The following LYPD6 variants were observed in gnomAD, a reference collection of about 807,000 sequenced individuals.
LYPD6 encodes ly6/PLAUR domain-containing protein 6.
A neutral mutation model predicts 22.7 loss-of-function variants in LYPD6; 15 were observed. The observed-to-expected ratio is 0.66, with a 90% CI of 0.44 to 1.02. The LOEUF (loss-of-function observed/expected upper bound fraction) is 1.02. Ranked by LOEUF, LYPD6 falls within the 50% of genes least tolerant of loss-of-function variation. The pLI is 0.00. For synonymous variants in LYPD6, 72 were observed against 77.5 expected, an observed-to-expected ratio of 0.93 and a Z score of 0.37; for missense variants, 189 against 208.4, an observed-to-expected ratio of 0.91 and a Z score of 0.57.
At chr2:149,483,017 C>T in the LYPD6 span, among the ~76,000 whole-genome samples, 12 of 152,336 alleles carry the variant, frequency 7.9e-5, no homozygotes, top group East Asian at 1.4e-3. Context: ...CTTCAGTTCC[C>T]TGTGTCTGGA....
the LYPD6 span, among the ~76,000 whole-genome samples, chr2:149,479,546 C>A: frequency 6.6e-6 from 1 of 152,184 alleles, no homozygotes; most frequent in Non-Finnish European, 1.5e-5. Flanking sequence ...TCTAGTGTCC[C>A]CATCTCAGTG....
At chr2:149,393,423 C>A (rs923455347) in intron 1 of LYPD6, among the ~76,000 whole-genome samples, 13 of 152,180 alleles carry the variant, frequency 8.5e-5, no homozygotes, top group African/African-American at 3.1e-4. Flanking sequence ...GTGATGATAA[C>A]AGGGTATTTT....
chr2:149,475,535 T>A (rs1681435048), downstream of LYPD6, among the ~76,000 whole-genome samples: 1 of 152,228 alleles, frequency 6.6e-6, no homozygotes, highest in Non-Finnish European at 1.5e-5. Context: ...CAGCAGTTAC[T>A]CTGTCTAGCT....
intron 3 of LYPD6, among the ~76,000 whole-genome samples, chr2:149,463,101 TG>T (rs1169435846): frequency 6.6e-6 from 1 of 152,006 alleles, no homozygotes; most frequent in African/African-American, 2.4e-5. Context: ...AGAATGCAAA[TG>T]CAAGCTATGA....
chr2:149,359,450 A>G (rs1258643617), intron 1 of LYPD6, among the ~76,000 whole-genome samples: 2 of 152,232 alleles, frequency 1.3e-5, no homozygotes, highest in Non-Finnish European at 2.9e-5. Context: ...GCTGAGAAAA[A>G]TGTTTGAAAC....
At position 149,341,193 on chromosome 2, in the gene LYPD6, G is replaced by A. The variant is rs187436440; in HGVS notation, c.-72+10471G>A. On this transcript the variant is annotated intron_variant, in intron 1 of 4. Coordinates refer to ENST00000334166, the MANE Select transcript of LYPD6 (RefSeq NM_194317.5). The stretch of plus-strand genomic sequence containing the variant: ...GATCTGAATTAAAAGAACTACCCGA[G>A]TGAATTCACAAAAAGTTTGCAGCAG... Among the ~76,000 whole-genome samples, 165 of 152,162 alleles carry A rather than the reference G, an allele frequency of 1.1e-3. 1 individual carries two copies. Among genetic ancestry groups the A allele is most frequent in the Non-Finnish European group, 1.2e-3 (81 of 67,998 alleles).
At position 149,471,693 on chromosome 2, in the gene LYPD6, G is replaced by T. The variant is rs577650630; in HGVS notation, c.*843G>T. 6.4e-4 allele frequency: 97 copies of T among 152,608 alleles called. No homozygotes were observed. Among genetic ancestry groups the T allele is most frequent in the African/African-American group, 2.3e-3 (95 of 41,546 alleles). The allele number at this position is 152,608 out of a possible 1,614,324, so 9.5% of individuals were successfully genotyped here. On this transcript the variant is annotated 3_prime_UTR_variant, in exon 5 of 5. Transcript: ENST00000334166. ...ATGGAGTTGTTTTCCCCAGATATGG[G>T]GTTCTATTCAGCCATAGATAATCTA...
chr2:149,404,981 A>G (rs1682662344), intron 1 of LYPD6, among the ~76,000 whole-genome samples: 1 of 152,132 alleles, frequency 6.6e-6, no homozygotes, highest in Non-Finnish European at 1.5e-5. Flanking sequence ...TTCTGCATCT[A>G]TTGAGATAAT....
rs1681404926 is a variant in LYPD6, at chr2:149,474,072, T to A, written c.*3222T>A. 6.6e-6 allele frequency: 1 copy of A among 152,222 alleles called. No homozygotes were observed. 9.4% of individuals were successfully genotyped at this position (152,222 alleles called of 1,614,324 possible). Reference sequence around the variant, plus strand: ...GAAACAGATATTGGAATAGTGTACATGTCATTTTTATCTATACAATGAATT... The same window carrying A: ...GAAACAGATATTGGAATAGTGTACAAGTCATTTTTATCTATACAATGAATT... On this transcript the variant is annotated 3_prime_UTR_variant, in exon 5 of 5. Coordinates refer to ENST00000334166, the MANE Select transcript of LYPD6 (RefSeq NM_194317.5).
chr2:149,335,328 A>G (rs1357827715), intron 1 of LYPD6, among the ~76,000 whole-genome samples: 1 of 152,162 alleles, frequency 6.6e-6, no homozygotes, highest in African/African-American at 2.4e-5. Context: ...GGCCCAGCCT[A>G]ATGTGTGTGC....
At chr2:149,470,464 G>A (rs1347369186) in intron 4 of LYPD6, among the ~76,000 whole-genome samples, 1 of 152,108 alleles carries the variant, frequency 6.6e-6, no homozygotes, top group African/African-American at 2.4e-5. Context: ...ACAAAACCTA[G>A]CTCTCTTGAA....
At chr2:149,345,796 CAACTGAT>C (rs1295231837) in intron 1 of LYPD6, among the ~76,000 whole-genome samples, 3 of 152,018 alleles carry the variant, frequency 2.0e-5, no homozygotes, top group Admixed American at 1.3e-4. Flanking sequence ...ATTTGGCAGA[CAACTGAT>C]AACTGTATTT....
chr2:149,460,824 GA>G (rs1190102244), intron 3 of LYPD6, among the ~76,000 whole-genome samples: 1 of 151,996 alleles, frequency 6.6e-6, no homozygotes, highest in Non-Finnish European at 1.5e-5. Context: ...ATCAATGACA[GA>G]AAGATAAAAG....
At chr2:149,342,067 T>G (rs1471676092) in intron 1 of LYPD6, among the ~76,000 whole-genome samples, 1 of 152,222 alleles carries the variant, frequency 6.6e-6, no homozygotes, top group Non-Finnish European at 1.5e-5. Context: ...GACTCTACTC[T>G]GCTGCTGTGT....
At chr2:149,380,495 A>G (rs1045894241) in intron 1 of LYPD6, among the ~76,000 whole-genome samples, 1 of 152,202 alleles carries the variant, frequency 6.6e-6, no homozygotes, top group African/African-American at 2.4e-5. Context: ...GACAAAGTGT[A>G]GAGTCAAGGA....
chr2:149,426,921 A>G (rs1392672325), intron 1 of LYPD6, among the ~76,000 whole-genome samples: 2 of 152,220 alleles, frequency 1.3e-5, no homozygotes, highest in Admixed American at 6.5e-5. Flanking sequence ...GAGTGGCCCA[A>G]AACACCTTCC....
At chr2:149,460,244 T>A (rs1050728707) in intron 3 of LYPD6, among the ~76,000 whole-genome samples, 7 of 152,194 alleles carry the variant, frequency 4.6e-5, no homozygotes, top group Non-Finnish European at 7.3e-5. Flanking sequence ...ATTGACAGAA[T>A]ATGTTAAACC....
At chr2:149,433,919 A>G (rs550465334) in intron 1 of LYPD6, among the ~76,000 whole-genome samples, 11 of 152,284 alleles carry the variant, frequency 7.2e-5, no homozygotes, top group African/African-American at 2.6e-4. Context: ...ATTTTATCAG[A>G]AAGGATGTGG....
chr2:149,449,779 G>A (rs1233774070), intron 3 of LYPD6, among the ~76,000 whole-genome samples: 1 of 152,132 alleles, frequency 6.6e-6, no homozygotes, highest in Non-Finnish European at 1.5e-5. Context: ...CTGTTAACTG[G>A]CTATTTTACT....
Sources: gnomAD v4.1 joint callset for allele counts (sites outside exome capture counted in the v4.1 genomes callset) on GRCh38, gnomAD v4.1.1 for gene constraint, MANE v1.5 for transcripts, NCBI Gene and HGNC (gene_info 2026-07-23, HGNC 2026-07-21) for gene names.